Variants in NYAP2 observed in about 807,000 individuals in gnomAD.
The protein encoded by NYAP2 is neuronal tyrosine-phosphorylated phosphoinositide-3-kinase adapter 2.
NYAP2 carries 23 observed loss-of-function variants against 50.4 expected under a neutral mutation model. The observed-to-expected ratio is 0.46, with a 90% CI of 0.33 to 0.65. The LOEUF (loss-of-function observed/expected upper bound fraction) is 0.65. NYAP2 is among the 30% of genes least tolerant of loss of function. NYAP2 has a pLI of 0.02. For synonymous variants in NYAP2, 394 were observed against 365.2 expected (o/e 1.08, Z -0.90); for missense variants, 885 against 861.0 (o/e 1.03, Z -0.35).
At chr2:225,454,927 AT>A (rs1275216765) in intron 3 of NYAP2, among the ~76,000 whole-genome samples, 1 of 152,054 alleles carries the variant, frequency 6.6e-6, no homozygotes, top group Non-Finnish European at 1.5e-5. Flanking sequence ...GAAAAATTAG[AT>A]TTATTTTTGG....
At chr2:225,528,124 G>T (rs1325210295) in intron 4 of NYAP2, among the ~76,000 whole-genome samples, 1 of 152,120 alleles carries the variant, frequency 6.6e-6, no homozygotes, top group Non-Finnish European at 1.5e-5. Flanking sequence ...AACTCCAGAG[G>T]GCAGGAATCT....
intron 3 of NYAP2, among the ~76,000 whole-genome samples, chr2:225,473,392 C>T (rs1363590733): frequency 6.6e-6 from 1 of 152,220 alleles, no homozygotes; most frequent in Non-Finnish European, 1.5e-5. Context: ...ACACTGTCTT[C>T]CACAATGGTT....
the NYAP2 span, among the ~76,000 whole-genome samples, chr2:225,670,589 C>T: frequency 4.5e-5 from 6 of 134,010 alleles, no homozygotes; most frequent in East Asian, 4.4e-4. Flanking sequence ...CCTGGGAAAA[C>T]GTCTTCAGTA....
chr2:225,553,442 A>T (rs900167762), intron 4 of NYAP2, among the ~76,000 whole-genome samples: 1 of 152,204 alleles, frequency 6.6e-6, no homozygotes, highest in Non-Finnish European at 1.5e-5. Context: ...TGAGGAGCAA[A>T]AGCTGAATAA....
chr2:225,524,833 A>G (rs563831004), intron 4 of NYAP2, among the ~76,000 whole-genome samples: 23 of 152,186 alleles, frequency 1.5e-4, no homozygotes, highest in Non-Finnish European at 2.8e-4. Flanking sequence ...TTTGCAAGCT[A>G]TGCATCTGAA....
At chr2:225,573,695 C>T (rs1008508440) in intron 4 of NYAP2, among the ~76,000 whole-genome samples, 6 of 152,204 alleles carry the variant, frequency 3.9e-5, no homozygotes, top group Non-Finnish European at 8.8e-5. Flanking sequence ...GAATGCTTCA[C>T]TCACATGTCT....
chr2:225,536,692 G>GT (rs1383987158), intron 4 of NYAP2, among the ~76,000 whole-genome samples: 5 of 151,632 alleles, frequency 3.3e-5, no homozygotes, highest in Admixed American at 6.6e-5. Flanking sequence ...AGTTATGCTA[G>GT]TTTTTTTTAA....
At chr2:225,511,093 G>A (rs1690805107) in intron 3 of NYAP2, among the ~76,000 whole-genome samples, 1 of 152,010 alleles carries the variant, frequency 6.6e-6, no homozygotes, top group Non-Finnish European at 1.5e-5. Flanking sequence ...TGATGAAACA[G>A]AAATGAACAA....
intron 4 of NYAP2, among the ~76,000 whole-genome samples, chr2:225,563,410 C>T (rs552110273): frequency 3.3e-5 from 5 of 151,952 alleles, no homozygotes; most frequent in Admixed American, 2.6e-4. Flanking sequence ...TCACTTTTTT[C>T]GTCTGAATCA....
rs534840402 is a variant in NYAP2 at position 225,447,395 on chromosome 2, C to A, written c.221+38294C>A. ...TATTTATGATATTAGATTTGTTAAT[C>A]CCAAGACATCTTGACATAGTTGATA... On this transcript the variant is annotated intron_variant, in intron 3 of 6. Transcript: ENST00000636099. 1.3e-5 allele frequency among the ~76,000 whole-genome samples: 2 copies of A among 152,124 alleles called. 1 individual carries two copies. Among genetic ancestry groups the A allele is most frequent in the South Asian group, 4.2e-4 (2 of 4,812 alleles).
At chr2:225,612,653 C>T (rs1692911453) in intron 5 of NYAP2, among the ~76,000 whole-genome samples, 1 of 152,082 alleles carries the variant, frequency 6.6e-6, no homozygotes, top group Non-Finnish European at 1.5e-5. Flanking sequence ...TGGAGATGGC[C>T]ACCTTCTTGC....
intron 6 of NYAP2, among the ~76,000 whole-genome samples, chr2:225,649,650 A>G (rs969601562): frequency 2.0e-5 from 3 of 152,234 alleles, no homozygotes; most frequent in African/African-American, 7.2e-5. Context: ...GATTATAGAC[A>G]TAAGCCATTG....
chr2:225,696,932 A>T, the NYAP2 span, among the ~76,000 whole-genome samples: 2 of 151,998 alleles, frequency 1.3e-5, no homozygotes, highest in East Asian at 3.9e-4. Context: ...AAACTATGCA[A>T]AGTACTTAGA....
chr2:225,422,475 A>G (rs535717041), intron 3 of NYAP2, among the ~76,000 whole-genome samples: 3 of 152,302 alleles, frequency 2.0e-5, no homozygotes. Context: ...TTAGACTGGA[A>G]TAAACAGGTA....
chr2:225,503,703 T>G (rs1690647674), intron 3 of NYAP2, among the ~76,000 whole-genome samples: 1 of 152,176 alleles, frequency 6.6e-6, no homozygotes, highest in Admixed American at 6.5e-5. Context: ...ATAAGTTGTG[T>G]GCTTGTTTTT....
chr2:225,472,847 T>G (rs138116870), intron 3 of NYAP2, among the ~76,000 whole-genome samples: 1,570 of 152,326 alleles, frequency 0.01, 15 homozygotes, highest in Non-Finnish European at 0.015. Context: ...CTAGGGTACA[T>G]GTGCACAACG....
intron 3 of NYAP2, among the ~76,000 whole-genome samples, chr2:225,505,836 T>A (rs1690694294): frequency 6.6e-6 from 1 of 152,184 alleles, no homozygotes; most frequent in Non-Finnish European, 1.5e-5. Flanking sequence ...TATAGCCAGG[T>A]CTTCCTCAAG....
At chr2:225,659,559 C>T in the NYAP2 span, among the ~76,000 whole-genome samples, 1 of 152,136 alleles carries the variant, frequency 6.6e-6, no homozygotes, top group East Asian at 1.9e-4. Flanking sequence ...AAGGCTATGA[C>T]ATTAACCACT....
At chr2:225,468,401 ATG>A (rs1689958011) in intron 3 of NYAP2, among the ~76,000 whole-genome samples, 1 of 152,228 alleles carries the variant, frequency 6.6e-6, no homozygotes, top group East Asian at 1.9e-4. Flanking sequence ...GCCATCCAGC[ATG>A]TGGTTCTTTT....
Sources: gnomAD v4.1 joint callset for allele counts (sites outside exome capture counted in the v4.1 genomes callset) on GRCh38, gnomAD v4.1.1 for gene constraint, MANE v1.5 for transcripts, NCBI Gene and HGNC (gene_info 2026-07-23, HGNC 2026-07-21) for gene names.